The following METTL6 variants were observed in gnomAD, a reference collection of about 807,000 sequenced individuals.
METTL6 encodes tRNA N(3)-cytidine methyltransferase METTL6.
In METTL6, 22 loss-of-function variants were observed where a neutral mutation model predicts 26.4. The ratio of observed to expected loss-of-function variants is 0.83; its 90% CI spans 0.59 to 1.19. The LOEUF (loss-of-function observed/expected upper bound fraction) is 1.19. Ranked by LOEUF, METTL6 falls within the 50% of genes most tolerant of loss-of-function variation. The pLI is 0.00. For missense variants in METTL6, 304 were observed against 324.8 expected (o/e 0.94, Z 0.49); for synonymous variants, 109 against 116.2 (o/e 0.94, Z 0.40).
At chr3:15,406,578 AC>A (rs1699790892), downstream of METTL6, among the ~76,000 whole-genome samples, 3 of 129,658 alleles carry the variant, frequency 2.3e-5, no homozygotes, top group Admixed American at 8.5e-5. Flanking sequence ...AAAAAAAAAA[AC>A]AAACAGTTAT....
intron 6 of METTL6, among the ~76,000 whole-genome samples, chr3:15,385,898 T>C (rs115407231): frequency 7.2e-5 from 11 of 152,198 alleles, no homozygotes; most frequent in Non-Finnish European, 1.6e-4. Flanking sequence ...ATTGTAGTGT[T>C]ACCAGAAAGG....
intron 6 of METTL6, among the ~76,000 whole-genome samples, chr3:15,395,720 G>T (rs1301583762): frequency 2.6e-5 from 4 of 152,016 alleles, no homozygotes; most frequent in Non-Finnish European, 5.9e-5. Context: ...CTCAGCATTT[G>T]CTTGTCTGTA....
intron 3 of METTL6, among the ~76,000 whole-genome samples, chr3:15,422,121 T>C (rs752033305): frequency 6.3e-4 from 95 of 149,836 alleles, no homozygotes; most frequent in Admixed American, 3.5e-3. Flanking sequence ...AGCCCAGGAG[T>C]TTGAGAACAG....
At chr3:15,407,913 G>C (rs183315856), downstream of METTL6, among the ~76,000 whole-genome samples, 6 of 152,102 alleles carry the variant, frequency 3.9e-5, no homozygotes, top group African/African-American at 1.4e-4. Flanking sequence ...CAGGTTTATC[G>C]CATGGAGTCT....
intron 5 of METTL6, among the ~76,000 whole-genome samples, chr3:15,411,829 C>T (rs1449283241): frequency 2.0e-5 from 3 of 151,816 alleles, no homozygotes; most frequent in African/African-American, 7.3e-5. Flanking sequence ...GGAGCACGAT[C>T]TCGGCTCACT....
At chr3:15,415,533 A>G (rs1252843567) in intron 4 of METTL6, 2 of 1,597,402 alleles carry the variant, frequency 1.3e-6, no homozygotes, top group Non-Finnish European at 1.7e-6. Flanking sequence ...AGGTAACTGC[A>G]AAATCATCCT....
intron 6 of METTL6, among the ~76,000 whole-genome samples, chr3:15,389,843 C>A (rs973790802): frequency 1.4e-5 from 2 of 142,964 alleles, no homozygotes; most frequent in East Asian, 2.1e-4. Context: ...CCACCGCGCC[C>A]GGCCAATTTT....
intron 4 of METTL6, 88 bp from the exon 5 acceptor site, chr3:15,414,250 A>G (rs1575421491): frequency 6.6e-7 from 1 of 1,518,286 alleles, no homozygotes; most frequent in African/African-American, 1.4e-5. Context: ...TAAATTTGTG[A>G]TAGTTACTAA....
chr3:15,427,587 T>G (rs1024453239), upstream of METTL6: 4 of 585,628 alleles, frequency 6.8e-6, no homozygotes, highest in East Asian at 6.2e-5. Context: ...CGGCCTTGCC[T>G]CCTCAGATTC....
chr3:15,415,885 CT>C lies in METTL6; in HGVS notation c.417del (p.Asp140MetfsTer17). On this transcript the variant is annotated frameshift_variant, in exon 4 of 6. Transcript: ENST00000383790. LOFTEE classifies it high-confidence loss of function. Reference protein sequence around the residue: ...RCKVFQCDLTKDDLLDHVPPE... With the variant: ...RCKVFQCDLTXDDLLDHVPPE... ...GGCGGTACATGATCCAGAAGATCAT[CT>C]TTAGTCAGATCACACTGGAATACCT... 1 of 1,614,134 alleles carries C rather than the reference CT, an allele frequency of 6.2e-7. No individual in the cohort carries two copies. The highest frequency in any genetic ancestry group is 8.5e-7 in the Non-Finnish European group (1 of 1,180,012).
At chr3:15,397,384 C>T (rs1206812845) in intron 6 of METTL6, among the ~76,000 whole-genome samples, 1 of 152,180 alleles carries the variant, frequency 6.6e-6, no homozygotes, top group African/African-American at 2.4e-5. Flanking sequence ...TCGTCCGTCA[C>T]CCCTTTCCTT....
At chr3:15,392,210 A>G in intron 6 of METTL6, among the ~76,000 whole-genome samples, 1 of 152,160 alleles carries the variant, frequency 6.6e-6, no homozygotes, top group East Asian at 1.9e-4. Flanking sequence ...GTGAGATGGT[A>G]TCTCATTGTG....
Position 15,395,820 on chromosome 3 carries a change from G to T in METTL6, c.*12-11633C>A, listed in dbSNP as rs531754487. On this transcript the variant is annotated intron_variant, in intron 6 of 6. Coordinates refer to the METTL6 transcript ENST00000443029. ...TTTTCTTTAAGAATGTTGAATATTG[G>T]CCCCCACTCTCTTCTGGCTTGTAGA... Among the ~76,000 whole-genome samples the T allele has an allele frequency of 1.3e-3, 203 of 152,132 alleles. 1 individual carries two copies. The highest frequency in any genetic ancestry group is 4.7e-3 in the African/African-American group (196 of 41,482).
chr3:15,420,715 C>T (rs943914486), intron 3 of METTL6, among the ~76,000 whole-genome samples: 10 of 152,242 alleles, frequency 6.6e-5, no homozygotes, highest in African/African-American at 1.7e-4. Context: ...AGGTTGACAG[C>T]GTATGACCAA....
rs77727309 is a variant in METTL6, at chr3:15,400,656, C to T, written c.*11+10589G>A. Among the ~76,000 whole-genome samples the T allele has an allele frequency of 1.5e-3, 234 of 152,136 alleles. 2 individuals are homozygous for T. The highest frequency in any genetic ancestry group is 3.0e-3 in the Non-Finnish European group (204 of 67,996). On this transcript the variant is annotated intron_variant, in intron 6 of 6. Transcript: ENST00000443029. ...TAAGAAGTTCATAAAGAAGTTCTAA[C>T]GATGCTAGACTACCTTTTTTTGGTA...
At chr3:15,421,981 T>C (rs2061620920) in intron 3 of METTL6, among the ~76,000 whole-genome samples, 1 of 152,032 alleles carries the variant, frequency 6.6e-6, no homozygotes, top group African/African-American at 2.4e-5. Flanking sequence ...CCTAGGCTGG[T>C]AAGGTTACTA....
chr3:15,423,934 C>A (rs371174773), intron 3 of METTL6, among the ~76,000 whole-genome samples: 19 of 151,908 alleles, frequency 1.3e-4, no homozygotes, highest in African/African-American at 4.6e-4. Context: ...AAGCCAGGTA[C>A]AGTGGCTCAT....
At chr3:15,391,901 T>C (rs974230567) in intron 6 of METTL6, among the ~76,000 whole-genome samples, 1 of 152,190 alleles carries the variant, frequency 6.6e-6, no homozygotes, top group Non-Finnish European at 1.5e-5. Flanking sequence ...TCTATCATTG[T>C]TGGACATTTG....
In METTL6 at chr3:15,414,141, C is replaced by T. The variant is rs1700088762; in HGVS notation, c.553G>A (p.Val185Ile). The change falls in exon 5 of 6, where the codon GTC becomes ATC. Residue 185 changes from valine to isoleucine, a missense_variant. Val to Ile is a conservative substitution (Grantham distance 29, BLOSUM62 3). Transcript: ENST00000383790. ...TACAGTCCGTAGTCACGAAACAAGACACTTTTGCCTGGTTTTAATACCTAT... is the reference window on the plus strand; with the variant it reads ...TACAGTCCGTAGTCACGAAACAAGATACTTTTGCCTGGTTTTAATACCTAT... ...IYKVLKPGKSVLFRDYGLYDH... is the reference protein window; with the variant it reads ...IYKVLKPGKSILFRDYGLYDH... 6 of 1,612,792 alleles carry T rather than the reference C, an allele frequency of 3.7e-6. No homozygotes were observed. The East Asian group carries it at 1.1e-4, about 30-fold the overall frequency.
Sources: allele counts gnomAD v4.1 joint callset (sites outside exome capture counted in the v4.1 genomes callset), GRCh38; gene constraint gnomAD v4.1.1; transcripts MANE v1.5; gene names NCBI Gene and HGNC (gene_info 2026-07-23, HGNC 2026-07-21).